The following FANCM variants were observed in gnomAD, a reference collection of about 807,000 sequenced individuals.
The protein encoded by FANCM is Fanconi anemia group M protein.
FANCM carries 140 observed loss-of-function variants against 199.5 expected under a neutral mutation model. That is an observed-to-expected ratio of 0.70 (90% CI 0.61 to 0.81). The LOEUF is 0.81. Among genes scored for constraint, FANCM ranks in the 30% least tolerant of loss-of-function variants. FANCM has a pLI of 0.00. For synonymous variants in FANCM, 840 were observed against 836.8 expected (o/e 1.00, Z -0.07); for missense variants, 2,410 against 2,421.4 (o/e 1.00, Z 0.10).
intron 8 of FANCM, among the ~76,000 whole-genome samples, chr14:45,158,081 C>A (rs957013248): frequency 2.0e-5 from 3 of 152,050 alleles, no homozygotes; most frequent in Non-Finnish European, 4.4e-5. Context: ...AGCCTGTAGT[C>A]CCAGCTACTC....
chr14:45,156,481 C>T (rs187145533), intron 8 of FANCM, among the ~76,000 whole-genome samples: 4 of 152,164 alleles, frequency 2.6e-5, no homozygotes, highest in Middle Eastern at 3.4e-3. Flanking sequence ...AAAAGTATTA[C>T]GATAGTCTTG....
Position 45,159,084 on chromosome 14 carries a change from A to G in FANCM, c.1397-12A>G, listed in dbSNP as rs560956489. 1.6e-4 allele frequency: 242 copies of G among 1,485,020 alleles called. No individual in the cohort carries two copies. The African/African-American group carries it at 3.2e-3, about 20-fold the overall frequency. The allele number at this position is 1,485,020 out of a possible 1,614,324, so 92.0% of individuals were successfully genotyped here. On this transcript the variant is annotated splice_polypyrimidine_tract_variant and intron_variant, in intron 8 of 22. Coordinates refer to ENST00000267430, the MANE Select transcript of FANCM (RefSeq NM_020937.4). ...AAAAAGTTGTAATTAAAGTTTTTAT[A>G]TATATATATAGCTGAAAACACTACT... is the stretch of plus-strand genomic sequence containing the variant.
At chr14:45,142,895 A>G (rs1886077358) in intron 3 of FANCM, among the ~76,000 whole-genome samples, 1 of 152,010 alleles carries the variant, frequency 6.6e-6, no homozygotes, top group South Asian at 2.1e-4. Flanking sequence ...TCCCTTTGTA[A>G]TTAATAACTG....
chr14:45,183,196 A>C (rs1889176839), intron 16 of FANCM, among the ~76,000 whole-genome samples: 1 of 152,224 alleles, frequency 6.6e-6, no homozygotes. Flanking sequence ...AATGATTTAA[A>C]ATATTGATAA....
At chr14:45,147,302 C>A (rs1205113704) in intron 3 of FANCM, among the ~76,000 whole-genome samples, 2 of 146,164 alleles carry the variant, frequency 1.4e-5, no homozygotes, top group African/African-American at 5.0e-5. Context: ...TTTTTCTTTT[C>A]TTTTTCTTTC....
chr14:45,176,183 G>A lies in FANCM; in HGVS notation c.3429G>A (p.Glu1143=), dbSNP rs1888678983. ...SLLLFEDVNT[E]FDDVSLSPLN... Reference sequence around the variant, plus strand: ...TGTTATTTGAAGATGTTAATACAGAGTTCGACGATGTGAGTCTTTCACCCT... The same window carrying A: ...TGTTATTTGAAGATGTTAATACAGAATTCGACGATGTGAGTCTTTCACCCT... The change falls in exon 14 of 23, where the codon GAG becomes GAA. Residue 1143 remains glutamate, a synonymous_variant. Coordinates refer to ENST00000267430, the MANE Select transcript of FANCM (RefSeq NM_020937.4). The A allele has an allele frequency of 5.0e-6, 8 of 1,614,052 alleles. No individual in the cohort carries two copies. Among genetic ancestry groups the A allele is most frequent in the Non-Finnish European group, 6.8e-6 (8 of 1,179,960 alleles).
Position 45,149,666 on chromosome 14 carries a change from G to A in FANCM, c.918+671G>A, listed in dbSNP as rs149887578. 3.8e-3 allele frequency among the ~76,000 whole-genome samples: 576 copies of A among 152,116 alleles called. 3 individuals carry two copies. The highest frequency in any genetic ancestry group is 0.012 in the African/African-American group (515 of 41,492). On this transcript the variant is annotated intron_variant, in intron 4 of 22. Coordinates refer to ENST00000267430, the MANE Select transcript of FANCM (RefSeq NM_020937.4). ...TACAGGTGTAAGCCACCATGCGCCC[G>A]GCCCCCAGAAGTTTCTTTGTATTGA... is the stretch of plus-strand genomic sequence containing the variant.
rs773452881 is a variant in FANCM at position 45,136,556 on chromosome 14, T to C, written c.508+17T>C. 3 of 1,611,314 alleles carry C rather than the reference T, an allele frequency of 1.9e-6. No homozygotes were observed. The highest frequency in any genetic ancestry group is 3.3e-5 in the Admixed American group (2 of 60,022). ...AAATGACAGGTATCTTAGACTGGACTAATTTTGAAGTAAGAGCTGGGAATT... is the reference window on the plus strand; with the variant it reads ...AAATGACAGGTATCTTAGACTGGACCAATTTTGAAGTAAGAGCTGGGAATT... On this transcript the variant is annotated intron_variant, in intron 1 of 22. Transcript: ENST00000267430.
At chr14:45,160,523 A>G (rs1594779759) in intron 9 of FANCM, among the ~76,000 whole-genome samples, 1 of 147,690 alleles carries the variant, frequency 6.8e-6, no homozygotes, top group East Asian at 2.0e-4. Context: ...ACAGGGTTTC[A>G]CCATGTTGGT....
Position 45,175,580 on chromosome 14 carries a change from AG to A in FANCM, c.2827del (p.Asp943IlefsTer40). On this transcript the variant is annotated frameshift_variant, in exon 14 of 23. Transcript: ENST00000267430. LOFTEE classifies it high-confidence loss of function. ...CTAGTTCACTTGCTGGAAATGTTTTAGATTCTGGTTATAACAGTTTCAATGA... is the reference window on the plus strand; with the variant it reads ...CTAGTTCACTTGCTGGAAATGTTTTAATTCTGGTTATAACAGTTTCAATGA... ...STSSLAGNVL[D>X]SGYNSFNDEK... The A allele has an allele frequency of 6.2e-7, 1 of 1,613,660 alleles. No individual in the cohort carries two copies. Among genetic ancestry groups the A allele is most frequent in the Non-Finnish European group, 8.5e-7 (1 of 1,179,702 alleles).
chr14:45,136,175 T>C lies in FANCM; in HGVS notation c.144T>C (p.Ala48=). 1 of 1,614,140 alleles carries C rather than the reference T, an allele frequency of 6.2e-7. No homozygotes were observed. The highest frequency in any genetic ancestry group is 8.5e-7 in the Non-Finnish European group (1 of 1,180,022). Residue 48 remains alanine (A), a synonymous_variant, in exon 1 of 23, where the codon GCT becomes GCC. Transcript: ENST00000267430. ...CGCCTTTGCCAGCAGCAGCGGAGGC[T>C]CAGCTGGAGTCGGACGATGATGTGT... The part of the protein sequence containing the change: ...SKAPLPAAAE[A]QLESDDDVLL...
At chr14:45,168,167 C>T (rs910915009) in intron 11 of FANCM, among the ~76,000 whole-genome samples, 2 of 152,102 alleles carry the variant, frequency 1.3e-5, no homozygotes, top group Admixed American at 1.3e-4. Flanking sequence ...GGTTCTTACC[C>T]TCCTACTACT....
chr14:45,195,229 G>A (rs1889992053), intron 20 of FANCM, among the ~76,000 whole-genome samples: 1 of 152,090 alleles, frequency 6.6e-6, no homozygotes, highest in African/African-American at 2.4e-5. Context: ...TAGCTCATAA[G>A]AGCCATTTGC....
chr14:45,159,261 C>T lies in FANCM; in HGVS notation c.1562C>T (p.Thr521Ile). The change falls in exon 9 of 23, where the codon ACC (threonine) becomes ATC (isoleucine). Residue 521 changes from threonine (T) to isoleucine (I), a missense_variant. Thr to Ile is a moderately conservative substitution (Grantham distance 89). Transcript: ENST00000267430. ...TCAGGGAAAAGCACGAAGGGTTTTA[C>T]CCAGAAGGAGCAACTGGAGGTAATT... is the stretch of plus-strand genomic sequence containing the variant. Reference protein sequence around the residue: ...HASGKSTKGFTQKEQLEVVKQ... With the variant: ...HASGKSTKGFIQKEQLEVVKQ... 6.2e-7 allele frequency: 1 copy of T among 1,612,390 alleles called. No homozygotes were observed. Among genetic ancestry groups the T allele is most frequent in the Non-Finnish European group, 8.5e-7 (1 of 1,178,962 alleles).
chr14:45,147,898 C>CA (rs1886525259), intron 3 of FANCM, among the ~76,000 whole-genome samples: 1 of 108,284 alleles, frequency 9.2e-6, no homozygotes, highest in African/African-American at 4.0e-5. Flanking sequence ...TTCCAAACCG[C>CA]CCCCCCCCCA....
intron 20 of FANCM, among the ~76,000 whole-genome samples, chr14:45,193,843 A>G (rs986052802): frequency 6.6e-6 from 1 of 152,122 alleles, no homozygotes; most frequent in Non-Finnish European, 1.5e-5. Flanking sequence ...CATTTCTGCA[A>G]TATATGCTTT....
chr14:45,136,048 G>T lies in FANCM; in HGVS notation c.17G>T (p.Arg6Ile), dbSNP rs1464500995. Residue 6 changes from arginine to isoleucine, a missense_variant, in exon 1 of 23, where the codon AGA becomes ATA. By Grantham distance (97) the Arg-to-Ile change is moderately conservative (BLOSUM62 -3). Coordinates refer to ENST00000267430, the MANE Select transcript of FANCM (RefSeq NM_020937.4). ...GTCGGCCTAATGAGCGGACGGCAAAGAACGCTTTTTCAGACGTGGGGCTCA... is the reference window on the plus strand; with the variant it reads ...GTCGGCCTAATGAGCGGACGGCAAATAACGCTTTTTCAGACGTGGGGCTCA... MSGRQ[R>I]TLFQTWGSSI... is the part of the protein sequence containing the mutation. 5 of 1,613,636 alleles carry T rather than the reference G, an allele frequency of 3.1e-6. No homozygotes were observed. The East Asian group carries it at 1.1e-4, about 36-fold the overall frequency.
intron 20 of FANCM, among the ~76,000 whole-genome samples, chr14:45,189,600 T>A (rs906242713): frequency 1.3e-5 from 2 of 152,186 alleles, no homozygotes; most frequent in African/African-American, 4.8e-5. Flanking sequence ...GTAAGGAAAC[T>A]TGATAATTTT....
chr14:45,178,029 GATT>G (rs1174598491), intron 14 of FANCM, among the ~76,000 whole-genome samples: 1 of 152,158 alleles, frequency 6.6e-6, no homozygotes, highest in Non-Finnish European at 1.5e-5. Context: ...CAACTCTACA[GATT>G]ATTATATCAA....
Sources: allele counts gnomAD v4.1 joint callset (sites outside exome capture counted in the v4.1 genomes callset), GRCh38; gene constraint gnomAD v4.1.1; transcripts MANE v1.5; gene names NCBI Gene and HGNC (gene_info 2026-07-23, HGNC 2026-07-21).